Variants in PARD3B observed in about 807,000 individuals in gnomAD.
PARD3B encodes the protein partitioning defective 3 homolog B.
PARD3B carries 103 observed loss-of-function variants against 130.2 expected under a neutral mutation model. That is an observed-to-expected ratio of 0.79 (90% CI 0.67 to 0.93). The LOEUF (loss-of-function observed/expected upper bound fraction) is 0.93, where lower values mean the gene tolerates loss of function less well. Among genes scored for constraint, PARD3B ranks in the 40% least tolerant of loss-of-function variants. The pLI is 0.00. For synonymous variants in PARD3B, 583 were observed against 553.2 expected (o/e 1.05, Z -0.76); for missense variants, 1,609 against 1,499.2 (o/e 1.07, Z -1.21).
At chr2:205,328,832 G>C (rs2043019556) in intron 18 of PARD3B, among the ~76,000 whole-genome samples, 1 of 152,036 alleles carries the variant, frequency 6.6e-6, no homozygotes, top group Non-Finnish European at 1.5e-5. Flanking sequence ...TCTTCTAAAA[G>C]GCCAGTATGT....
rs1698435229 is a variant in PARD3B, at chr2:205,042,148, GA to G, written c.395-5431del. On this transcript the variant is annotated intron_variant, in intron 3 of 22. Transcript: ENST00000406610. The stretch of plus-strand genomic sequence containing the variant: ...CTTTCAAAATTGTTTTCCTCAAACT[GA>G]ATTAGACGACCCTCCTCTTGGCTTC... Among the ~76,000 whole-genome samples the G allele has an allele frequency of 2.0e-5, 3 of 152,086 alleles. No individual in the cohort carries two copies. In the South Asian group the frequency reaches 6.2e-4, roughly 32 times the overall value.
At chr2:204,665,928 C>G (rs1245092424) in intron 1 of PARD3B, among the ~76,000 whole-genome samples, 1 of 152,170 alleles carries the variant, frequency 6.6e-6, no homozygotes, top group Non-Finnish European at 1.5e-5. Context: ...TAAAGCTGTT[C>G]AGTAACTATT....
intron 15 of PARD3B, among the ~76,000 whole-genome samples, chr2:205,239,210 C>A (rs1422234432): frequency 6.6e-6 from 1 of 151,738 alleles, no homozygotes; most frequent in African/African-American, 2.4e-5. Flanking sequence ...TTGGGATCTT[C>A]CTTTTTATTT....
At chr2:204,558,646 C>T (rs1452401785) in intron 1 of PARD3B, among the ~76,000 whole-genome samples, 2 of 152,068 alleles carry the variant, frequency 1.3e-5, no homozygotes, top group East Asian at 1.9e-4. Flanking sequence ...CAGTGCCATC[C>T]CCATCAAGCT....
chr2:204,734,111 A>G (rs1254686471), intron 2 of PARD3B, among the ~76,000 whole-genome samples: 2 of 152,164 alleles, frequency 1.3e-5, no homozygotes, highest in African/African-American at 2.4e-5. Context: ...CTGGGGTCCA[A>G]TATTTAAATA....
chr2:204,757,957 G>T (rs2040748654), intron 2 of PARD3B, among the ~76,000 whole-genome samples: 1 of 152,160 alleles, frequency 6.6e-6, no homozygotes, highest in Non-Finnish European at 1.5e-5. Context: ...AGTATTTAAT[G>T]TTCTGGTTAT....
At chr2:204,937,591 C>A (rs1452056919) in intron 2 of PARD3B, among the ~76,000 whole-genome samples, 6 of 152,048 alleles carry the variant, frequency 3.9e-5, no homozygotes, top group Admixed American at 3.9e-4. Context: ...TTTCTTGATT[C>A]TTGAAATATA....
intron 2 of PARD3B, among the ~76,000 whole-genome samples, chr2:204,924,986 T>C (rs1337541066): frequency 6.6e-6 from 1 of 152,094 alleles, no homozygotes; most frequent in African/African-American, 2.4e-5. Flanking sequence ...CTGATATATA[T>C]GCATATACAT....
intron 3 of PARD3B, among the ~76,000 whole-genome samples, chr2:204,968,474 C>T (rs894508567): frequency 1.3e-5 from 2 of 152,156 alleles, no homozygotes; most frequent in African/African-American, 2.4e-5. Flanking sequence ...ATTCCCAGGC[C>T]CTTCATGATC....
At chr2:204,699,615 G>C (rs189922386) in intron 2 of PARD3B, among the ~76,000 whole-genome samples, 293 of 152,218 alleles carry the variant, frequency 1.9e-3, no homozygotes, top group Non-Finnish European at 3.5e-3. Flanking sequence ...CAGATTTAGT[G>C]TGCTGATGAT....
At chr2:205,392,784 A>G (rs768171677) in intron 18 of PARD3B, among the ~76,000 whole-genome samples, 5 of 152,188 alleles carry the variant, frequency 3.3e-5, no homozygotes, top group Non-Finnish European at 7.3e-5. Flanking sequence ...GTTTTGTAGC[A>G]TTTTGCCTCC....
At chr2:204,702,319 G>A (rs1326562898) in intron 2 of PARD3B, among the ~76,000 whole-genome samples, 1 of 152,140 alleles carries the variant, frequency 6.6e-6, no homozygotes, top group African/African-American at 2.4e-5. Flanking sequence ...GAAATTTCCA[G>A]AGTGCTTTCC....
chr2:204,746,971 CTTTAG>C (rs2040258883), intron 2 of PARD3B, among the ~76,000 whole-genome samples: 1 of 152,106 alleles, frequency 6.6e-6, no homozygotes, highest in Non-Finnish European at 1.5e-5. Context: ...TGCAGAAGCT[CTTTAG>C]TTTAATTAGA....
intron 20 of PARD3B, among the ~76,000 whole-genome samples, chr2:205,481,216 A>G (rs1316586362): frequency 6.6e-6 from 1 of 152,210 alleles, no homozygotes; most frequent in Non-Finnish European, 1.5e-5. Flanking sequence ...GGCAAGAATT[A>G]CTGGTGGAAG....
chr2:205,340,660 G>A (rs2043490774), intron 18 of PARD3B, among the ~76,000 whole-genome samples: 1 of 151,960 alleles, frequency 6.6e-6, no homozygotes, highest in South Asian at 2.1e-4. Context: ...GGAAACCAGG[G>A]GAAACAGTTC....
rs571015897 is a variant in PARD3B at position 204,608,384 on chromosome 2, A to G, written c.120+62265A>G. Among the ~76,000 whole-genome samples, 5 of 152,186 alleles carry G rather than the reference A, an allele frequency of 3.3e-5. No individual in the cohort carries two copies. In the South Asian group the frequency reaches 8.3e-4, roughly 25 times the overall value. ...GGGAAAGAAATATCTGCCCTTTCCC[A>G]TTCTTCTACCCTTAGTGTGTGTGGG... On this transcript the variant is annotated intron_variant, in intron 1 of 22. Transcript: ENST00000406610.
chr2:205,215,209 A>G (rs2037844398), intron 15 of PARD3B, among the ~76,000 whole-genome samples: 2 of 152,042 alleles, frequency 1.3e-5, no homozygotes, highest in Non-Finnish European at 1.5e-5. Flanking sequence ...GTTGGAGAAG[A>G]TATTTACTAT....
chr2:204,826,339 GGACCA>G (rs1283736002), intron 2 of PARD3B, among the ~76,000 whole-genome samples: 4 of 152,146 alleles, frequency 2.6e-5, no homozygotes, highest in Non-Finnish European at 5.9e-5. Context: ...ACTCAGGATA[GGACCA>G]ATTGCCGCCA....
intron 20 of PARD3B, among the ~76,000 whole-genome samples, chr2:205,498,209 A>C (rs1483060383): frequency 6.6e-6 from 1 of 150,620 alleles, no homozygotes; most frequent in East Asian, 2.0e-4. Context: ...AAAAAAAAAA[A>C]AAAAAAAACA....
Sources: gnomAD v4.1 joint callset for allele counts (sites outside exome capture counted in the v4.1 genomes callset) on GRCh38, gnomAD v4.1.1 for gene constraint, MANE v1.5 for transcripts, NCBI Gene and HGNC (gene_info 2026-07-23, HGNC 2026-07-21) for gene names.